USH2A: variants seen among roughly 807,000 people sequenced by gnomAD.
The protein encoded by USH2A is usherin, also known as Usher syndrome 2A (autosomal recessive, mild).
A neutral mutation model predicts 538.9 loss-of-function variants in USH2A; 443 were observed. The ratio of observed to expected loss-of-function variants is 0.82; its 90% CI spans 0.76 to 0.89. The LOEUF is 0.89. USH2A is among the 40% of genes least tolerant of loss of function. The probability of loss-of-function intolerance (pLI) is 0.00; values close to 1 mark genes in which losing one functional copy is unlikely to be tolerated. For synonymous variants in USH2A, 2,413 were observed against 2,273.5 expected, an observed-to-expected ratio of 1.06 and a Z score of -1.75; for missense variants, 6,633 against 6,324.8, an observed-to-expected ratio of 1.05 and a Z score of -1.65.
intron 38 of USH2A, among the ~76,000 whole-genome samples, chr1:215,928,673 G>C (rs1666294806): frequency 1.3e-5 from 2 of 152,108 alleles, no homozygotes; most frequent in African/African-American, 2.4e-5. Context: ...TTGAAACCCT[G>C]AGTTTCTTTC....
At chr1:215,672,744 C>A (rs2797233) in intron 63 of USH2A, among the ~76,000 whole-genome samples, 50,358 of 152,068 alleles carry the variant, frequency 0.33, 10,268 homozygotes, top group Non-Finnish European at 0.44. Context: ...CAAAAAACCA[C>A]GCATGAACTC....
intron 9 of USH2A, among the ~76,000 whole-genome samples, chr1:216,300,883 G>T (rs557373091): frequency 6.6e-6 from 1 of 151,474 alleles, no homozygotes; most frequent in Non-Finnish European, 1.5e-5. Context: ...CGAGTATCTG[G>T]TACTACAGGC....
chr1:216,115,625 T>C (rs2032989530), intron 21 of USH2A, among the ~76,000 whole-genome samples: 1 of 152,192 alleles, frequency 6.6e-6, no homozygotes, highest in Non-Finnish European at 1.5e-5. Flanking sequence ...CATCCAATAG[T>C]TGTACATTTT....
At chr1:216,105,975 T>C (rs75362212) in intron 21 of USH2A, among the ~76,000 whole-genome samples, 5,536 of 151,584 alleles carry the variant, frequency 0.037, 332 homozygotes, top group African/African-American at 0.12. Context: ...TTTTAACACT[T>C]TTTCAAAGAT....
At position 215,761,005 on chromosome 1, in the gene USH2A, A is replaced by T. The variant is rs112001674; in HGVS notation, c.11048-1162T>A. Among the ~76,000 whole-genome samples the T allele has an allele frequency of 4.5e-4, 69 of 152,218 alleles. 2 individuals are homozygous for T. Among genetic ancestry groups the T allele is most frequent in the African/African-American group, 1.6e-3 (66 of 41,526 alleles). On this transcript the variant is annotated intron_variant, in intron 56 of 71. Coordinates refer to ENST00000307340, the MANE Select transcript of USH2A (RefSeq NM_206933.4). ...TAATCCCAATTTCTTTTTGTGACCC[A>T]TATGGTCCCACATTTTATTGGCTCT...
At chr1:215,749,813 T>C (rs1660573192) in intron 58 of USH2A, among the ~76,000 whole-genome samples, 1 of 152,180 alleles carries the variant, frequency 6.6e-6, no homozygotes, top group African/African-American at 2.4e-5. Context: ...CCATAACACA[T>C]TTTCTTGTTC....
At chr1:215,995,708 T>C (rs1204456986) in intron 34 of USH2A, among the ~76,000 whole-genome samples, 1 of 152,192 alleles carries the variant, frequency 6.6e-6, no homozygotes, top group African/African-American at 2.4e-5. Context: ...GCCATTAAAA[T>C]AAGTTGTTTT....
chr1:216,420,067 A>T (rs1263903441), intron 2 of USH2A, among the ~76,000 whole-genome samples: 1 of 152,140 alleles, frequency 6.6e-6, no homozygotes, highest in Non-Finnish European at 1.5e-5. Flanking sequence ...ATTCTACTGC[A>T]AATTATATTT....
intron 60 of USH2A, among the ~76,000 whole-genome samples, chr1:215,731,728 C>A (rs1426928547): frequency 6.6e-6 from 1 of 152,210 alleles, no homozygotes; most frequent in African/African-American, 2.4e-5. Context: ...GCAATTGTCA[C>A]TGCTTATTTT....
intron 3 of USH2A, among the ~76,000 whole-genome samples, chr1:216,372,325 C>A (rs1435307160): frequency 6.6e-6 from 1 of 152,152 alleles, no homozygotes; most frequent in African/African-American, 2.4e-5. Context: ...CACCTTCACA[C>A]ACCCCAAACC....
chr1:215,872,818 G>A (rs567849920), intron 43 of USH2A, among the ~76,000 whole-genome samples: 1 of 151,838 alleles, frequency 6.6e-6, no homozygotes, highest in Admixed American at 6.6e-5. Context: ...TTAGCTCAGG[G>A]GAGAGCTGGT....
chr1:216,030,325 TAA>T (rs1669080691), intron 32 of USH2A, among the ~76,000 whole-genome samples: 1 of 136,626 alleles, frequency 7.3e-6, no homozygotes, highest in Non-Finnish European at 1.5e-5. Flanking sequence ...CACAGATATA[TAA>T]TATATATGAT....
At chr1:215,751,348 A>G (rs1459466175) in intron 58 of USH2A, among the ~76,000 whole-genome samples, 4 of 152,134 alleles carry the variant, frequency 2.6e-5, no homozygotes, top group Admixed American at 6.5e-5. Context: ...TTAAAGGAAA[A>G]GCACCAGTAT....
rs565990013 is a variant in USH2A at position 215,682,645 on chromosome 1, A to G, written c.12067-2269T>C. On this transcript the variant is annotated intron_variant, in intron 61 of 71. Transcript: ENST00000307340. ...CATCTAATATAGAAATATGGCCTGT[A>G]GGTTGCAAGCTGAAGTTCATGCATG... is the stretch of plus-strand genomic sequence containing the variant. 1.1e-4 allele frequency among the ~76,000 whole-genome samples: 16 copies of G among 152,254 alleles called. 1 individual carries two copies. Among genetic ancestry groups the G allele is most frequent in the African/African-American group, 3.1e-4 (13 of 41,546 alleles).
At chr1:216,405,119 G>A (rs376277299) in intron 3 of USH2A, among the ~76,000 whole-genome samples, 52 of 152,190 alleles carry the variant, frequency 3.4e-4, no homozygotes, top group Non-Finnish European at 5.1e-4. Flanking sequence ...GCATCCTGAC[G>A]TGTGGGGATT....
intron 35 of USH2A, among the ~76,000 whole-genome samples, chr1:215,992,318 C>T (rs562167158): frequency 1.8e-4 from 27 of 152,178 alleles, no homozygotes; most frequent in Non-Finnish European, 3.4e-4. Flanking sequence ...GTTATATGAA[C>T]CTTAAAGATA....
At chr1:216,114,554 A>G (rs1385281185) in intron 21 of USH2A, among the ~76,000 whole-genome samples, 1 of 152,162 alleles carries the variant, frequency 6.6e-6, no homozygotes, top group African/African-American at 2.4e-5. Flanking sequence ...TCCTCTTAGC[A>G]TACACTTCTT....
intron 51 of USH2A, among the ~76,000 whole-genome samples, chr1:215,787,971 C>T (rs903103831): frequency 3.9e-5 from 6 of 152,060 alleles, no homozygotes; most frequent in African/African-American, 1.4e-4. Context: ...TTGAACCTAG[C>T]AGGTAGAGGT....
intron 52 of USH2A, among the ~76,000 whole-genome samples, chr1:215,786,077 T>C (rs1320700813): frequency 6.6e-6 from 1 of 152,158 alleles, no homozygotes; most frequent in Non-Finnish European, 1.5e-5. Flanking sequence ...AATTCTAAAC[T>C]TAACAGTGTT....
Sources: gnomAD v4.1 joint callset for allele counts (sites outside exome capture counted in the v4.1 genomes callset) on GRCh38, gnomAD v4.1.1 for gene constraint, MANE v1.5 for transcripts, NCBI Gene and HGNC (gene_info 2026-07-23, HGNC 2026-07-21) for gene names.